Variants in ZFP90 observed in about 807,000 individuals in gnomAD.
ZFP90 encodes the protein zinc finger protein 90 homolog.
Under a neutral mutation model 60.8 loss-of-function variants are expected in ZFP90, and 38 were observed. The ratio of observed to expected loss-of-function variants is 0.62; its 90% CI spans 0.48 to 0.82. The LOEUF (loss-of-function observed/expected upper bound fraction) is 0.82. Among genes scored for constraint, ZFP90 ranks in the 40% least tolerant of loss-of-function variants. The pLI, the probability that ZFP90 is intolerant of heterozygous loss-of-function variation, is 0.00. For synonymous variants in ZFP90, 287 were observed against 264.8 expected, an observed-to-expected ratio of 1.08 and a Z score of -0.82; for missense variants, 711 against 759.1, an observed-to-expected ratio of 0.94 and a Z score of 0.74.
chr16:68,539,858 C>A (rs780993949), intron 2 of ZFP90, 33 bp downstream of exon 2: 1 of 1,601,588 alleles, frequency 6.2e-7, no homozygotes, highest in Non-Finnish European at 8.5e-7. Context: ...CCTGGGCATC[C>A]CATCCATCTA....
In ZFP90 at chr16:68,539,499, A is replaced by T; in HGVS notation, c.-36+20A>T. On this transcript the variant is annotated intron_variant, in intron 1 of 4. Transcript: ENST00000563169. ...TTCTGAGTGCGCGGGTCTGGGCGGG[A>T]CCCCTCCTGGGTTTGGCGGGTGTCA... The T allele has an allele frequency of 2.2e-6, 1 of 463,586 alleles. No individual in the cohort carries two copies. Among genetic ancestry groups the T allele is most frequent in the East Asian group, 3.5e-5 (1 of 28,276 alleles). 28.7% of individuals were successfully genotyped at this position (463,586 alleles called of 1,614,324 possible).
chr16:68,540,574 T>A (rs1181184383), intron 2 of ZFP90, among the ~76,000 whole-genome samples: 5 of 152,144 alleles, frequency 3.3e-5, no homozygotes, highest in Non-Finnish European at 4.4e-5. Context: ...TACATCAAGA[T>A]CCAGATGGTA....
At chr16:68,540,106 G>C (rs541228022) in intron 2 of ZFP90, among the ~76,000 whole-genome samples, 11 of 152,232 alleles carry the variant, frequency 7.2e-5, no homozygotes, top group African/African-American at 2.4e-4. Flanking sequence ...TGAATGCCAC[G>C]CCAGTTTTTT....
intron 2 of ZFP90, among the ~76,000 whole-genome samples, chr16:68,543,139 G>GT: frequency 6.6e-6 from 1 of 152,230 alleles, no homozygotes; most frequent in South Asian, 2.1e-4. Context: ...CGATGAGGGA[G>GT]TAGATGTGTA....
At chr16:68,554,434 G>A (rs2091311883) in intron 2 of ZFP90, among the ~76,000 whole-genome samples, 1 of 152,158 alleles carries the variant, frequency 6.6e-6, no homozygotes. Context: ...GAGCCACTCA[G>A]CCTGGCTGCA....
At position 68,539,423 on chromosome 16, in the gene ZFP90, G is replaced by C. The variant is rs1249789780; in HGVS notation, c.-92G>C. ...GCGGGGGCGGGAGGAGCTGCCCGAG[G>C]CTCTGGGTGGGCCGGAGGTCGCGAA... On this transcript the variant is annotated 5_prime_UTR_variant, in exon 1 of 5. Coordinates refer to ENST00000563169, the MANE Select transcript of ZFP90 (RefSeq NM_001305203.2). 2 of 330,180 alleles carry C rather than the reference G, an allele frequency of 6.1e-6. No homozygotes were observed. Among genetic ancestry groups the C allele is most frequent in the Non-Finnish European group, 1.1e-5 (2 of 180,666 alleles). 20.5% of individuals were successfully genotyped at this position (330,180 alleles called of 1,614,324 possible). A position where few individuals can be genotyped will look rare whatever the true frequency, so the allele number is the denominator to read the frequency against.
At chr16:68,573,278 C>T (rs1028802888) in intron 2 of ZFP90, among the ~76,000 whole-genome samples, 1 of 152,190 alleles carries the variant, frequency 6.6e-6, no homozygotes, top group Non-Finnish European at 1.5e-5. Flanking sequence ...GGCTGCCCTG[C>T]TGTGAATCGA....
Position 68,543,256 on chromosome 16 carries a change from G to A in ZFP90, c.33+3431G>A, listed in dbSNP as rs370263059. Among the ~76,000 whole-genome samples, 27 of 152,278 alleles carry A rather than the reference G, an allele frequency of 1.8e-4. No individual in the cohort carries two copies. In the East Asian group the frequency reaches 5.2e-3, roughly 29 times the overall value. On this transcript the variant is annotated intron_variant, in intron 2 of 4. Coordinates refer to ENST00000563169, the MANE Select transcript of ZFP90 (RefSeq NM_001305203.2). ...GTGTAGCTTGAGCTGGTGATTTGGG[G>A]CAGGGAACTAATACAACTTCATAGA... is the stretch of plus-strand genomic sequence containing the variant.
chr16:68,549,608 A>G (rs1749788), intron 2 of ZFP90, among the ~76,000 whole-genome samples: 114,183 of 148,948 alleles, frequency 0.77, 43,799 homozygotes, highest in East Asian at 0.82. Context: ...GAACCTGGGA[A>G]GCGGAGCTTG....
At position 68,566,087 on chromosome 16, in the gene ZFP90, C is replaced by T. The variant is rs1328961875; in HGVS notation, c.*1389C>T. 1.0e-6 allele frequency: 1 copy of T among 978,384 alleles called. No homozygotes were observed. Among genetic ancestry groups the T allele is most frequent in the South Asian group, 4.7e-5 (1 of 21,126 alleles). 60.6% of individuals were successfully genotyped at this position (978,384 alleles called of 1,614,324 possible). On this transcript the variant is annotated 3_prime_UTR_variant, in exon 5 of 5. Transcript: ENST00000563169. ...AGCAGAGACTGCAGTGAGCTGAGAT[C>T]ACACTACTGCATTCCAGCCTGAGCA... is the stretch of plus-strand genomic sequence containing the variant.
At chr16:68,562,525 C>CA (rs1442173432) in intron 4 of ZFP90, 1 of 158,940 alleles carries the variant, frequency 6.3e-6, no homozygotes, top group African/African-American at 2.4e-5. Flanking sequence ...CCTTGATCTC[C>CA]AAGGGTTATA....
chr16:68,543,770 A>G (rs2091095437), intron 2 of ZFP90, among the ~76,000 whole-genome samples: 1 of 151,642 alleles, frequency 6.6e-6, no homozygotes, highest in Non-Finnish European at 1.5e-5. Flanking sequence ...CATGTTGACC[A>G]GGATGGTCTC....
intron 3 of ZFP90, 114 bp from the exon 4 acceptor site, chr16:68,558,359 C>T (rs1038259648): frequency 2.5e-6 from 3 of 1,180,758 alleles, no homozygotes; most frequent in African/African-American, 1.5e-5. Context: ...TAAGTTGCAC[C>T]TTTTTTTTCC....
upstream of ZFP90, among the ~76,000 whole-genome samples, chr16:68,534,864 G>A (rs1407733646): frequency 1.3e-5 from 2 of 151,966 alleles, no homozygotes; most frequent in African/African-American, 2.4e-5. Flanking sequence ...CTGAGATCAT[G>A]CCACTGTACT....
At position 68,563,359 on chromosome 16, in the gene ZFP90, A is replaced by G. The variant is rs759431530; in HGVS notation, c.572A>G (p.Asn191Ser). The G allele has an allele frequency of 3.1e-6, 5 of 1,614,156 alleles. No homozygotes were observed. In the South Asian group the frequency reaches 3.3e-5, roughly 11 times the overall value. ...RPSECETLGS[N>S]LGHNADLLNE... ...AGTGAATGTGAGACCCTTGGAAGCA[A>G]TTTGGGACATAATGCAGACTTACTT... Residue 191 changes from asparagine (N) to serine (S), a missense_variant, in exon 5 of 5, where the codon AAT (asparagine) becomes AGT (serine). Coordinates refer to ENST00000563169, the MANE Select transcript of ZFP90 (RefSeq NM_001305203.2).
chr16:68,556,336 G>C (rs1431229356), intron 2 of ZFP90, among the ~76,000 whole-genome samples: 2 of 152,202 alleles, frequency 1.3e-5, no homozygotes, highest in African/African-American at 4.8e-5. Context: ...TGTGTCCATG[G>C]GATGGTAGAG....
chr16:68,534,617 T>C (rs894445850), upstream of ZFP90, among the ~76,000 whole-genome samples: 4 of 151,776 alleles, frequency 2.6e-5, no homozygotes, highest in African/African-American at 4.8e-5. Context: ...TAAAATAAAT[T>C]TTTGACAGCC....
At position 68,564,882 on chromosome 16, in the gene ZFP90, T is replaced by A. The variant is rs2091501384; in HGVS notation, c.*184T>A. The A allele has an allele frequency of 7.3e-7, 1 of 1,369,582 alleles. No homozygotes were observed. Among genetic ancestry groups the A allele is most frequent in the Non-Finnish European group, 9.4e-7 (1 of 1,067,466 alleles). The allele number at this position is 1,369,582 out of a possible 1,614,324, so 84.8% of individuals were successfully genotyped here. ...ATAAAGACACATTCTCAGATCTGAT[T>A]ACAGACTAGTGTAAAAACAGCTACA... On this transcript the variant is annotated 3_prime_UTR_variant, in exon 5 of 5. Transcript: ENST00000563169.
At chr16:68,552,552 G>GA in intron 2 of ZFP90, among the ~76,000 whole-genome samples, 1 of 152,302 alleles carries the variant, frequency 6.6e-6, no homozygotes, top group South Asian at 2.1e-4. Context: ...AGCCGAGGAA[G>GA]AAAGGCTGAG....
Sources: allele counts gnomAD v4.1 joint callset (sites outside exome capture counted in the v4.1 genomes callset), GRCh38; gene constraint gnomAD v4.1.1; transcripts MANE v1.5; gene names NCBI Gene and HGNC (gene_info 2026-07-23, HGNC 2026-07-21).